Variants in C5orf46 observed in about 807,000 individuals in gnomAD.
C5orf46 encodes the protein chromosome 5 open reading frame 46, also known as uncharacterized protein C5orf46.
In C5orf46, 9 loss-of-function variants were observed where a neutral mutation model predicts 8.9. The ratio of observed to expected loss-of-function variants is 1.01; its 90% CI spans 0.61 to 1.76. The LOEUF (loss-of-function observed/expected upper bound fraction) is 1.76, where lower values mean the gene tolerates loss of function less well. Among genes scored for constraint, C5orf46 ranks in the 40% most tolerant of loss-of-function variants. The probability of loss-of-function intolerance (pLI) is 0.00; values close to 1 mark genes in which losing one functional copy is unlikely to be tolerated. For synonymous variants in C5orf46, 47 were observed against 41.4 expected (o/e 1.14, Z -0.52); for missense variants, 98 against 107.8 (o/e 0.91, Z 0.40).
chr5:147,890,622 T>C (rs1434568663), downstream of C5orf46, among the ~76,000 whole-genome samples: 2 of 152,156 alleles, frequency 1.3e-5, no homozygotes, highest in African/African-American at 2.4e-5. Context: ...GAGAAGGTGA[T>C]ATTTAGTACA....
chr5:147,891,649 C>A (rs1757504407), downstream of C5orf46, among the ~76,000 whole-genome samples: 1 of 152,116 alleles, frequency 6.6e-6, no homozygotes, highest in African/African-American at 2.4e-5. Flanking sequence ...TATCTAGGCA[C>A]AAATCAGTGA....
chr5:147,889,401 T>C (rs1397184912), downstream of C5orf46, among the ~76,000 whole-genome samples: 1 of 152,174 alleles, frequency 6.6e-6, no homozygotes, highest in Non-Finnish European at 1.5e-5. Context: ...GTGTGGGAGA[T>C]TGTTAACTTT....
intron 3 of C5orf46, among the ~76,000 whole-genome samples, chr5:147,893,666 A>G (rs1203571096): frequency 6.6e-6 from 1 of 151,974 alleles, no homozygotes; most frequent in East Asian, 1.9e-4. Context: ...CCTCAGCCTC[A>G]TGAGTAGCTG....
chr5:147,896,988 G>T lies in C5orf46; in HGVS notation c.*5C>A. The T allele has an allele frequency of 1.3e-6, 2 of 1,482,832 alleles. No homozygotes were observed. Among genetic ancestry groups the T allele is most frequent in the Non-Finnish European group, 1.9e-6 (2 of 1,078,092 alleles). The allele number at this position is 1,482,832 out of a possible 1,614,324, so 91.9% of individuals were successfully genotyped here. ...AAATTTTAAGTGAAAAATCACCTGA[G>T]GATGTCACTTTGATGAATGTTTTCC... is the stretch of plus-strand genomic sequence containing the variant. On this transcript the variant is annotated 3_prime_UTR_variant, in exon 3 of 4. Transcript: ENST00000318315.
chr5:147,893,791 T>A (rs1316359559), intron 3 of C5orf46, among the ~76,000 whole-genome samples: 1 of 152,126 alleles, frequency 6.6e-6, no homozygotes, highest in African/African-American at 2.4e-5. Context: ...ATCTGCCCGC[T>A]CGGCCTCCCA....
At chr5:147,886,445 A>G (rs556379206) in intron 2 of C5orf46, 1 of 149,114 alleles carries the variant, frequency 6.7e-6, no homozygotes, top group Non-Finnish European at 1.5e-5. Flanking sequence ...ATATAGAAAT[A>G]TATACATATA....
At chr5:147,899,308 A>G (rs765055499) in intron 2 of C5orf46, among the ~76,000 whole-genome samples, 1 of 152,156 alleles carries the variant, frequency 6.6e-6, no homozygotes, top group Non-Finnish European at 1.5e-5. Context: ...GTACATGTTA[A>G]GTGCTTAGCA....
At chr5:147,902,540 A>G (rs1474846505) in intron 1 of C5orf46, among the ~76,000 whole-genome samples, 4 of 152,184 alleles carry the variant, frequency 2.6e-5, no homozygotes, top group African/African-American at 9.6e-5. Context: ...GGATTGTCTT[A>G]TTTTATCCTC....
chr5:147,905,705 G>A (rs767766287), intron 1 of C5orf46, among the ~76,000 whole-genome samples: 1 of 152,118 alleles, frequency 6.6e-6, no homozygotes, highest in Non-Finnish European at 1.5e-5. Flanking sequence ...ATAGTTGCTC[G>A]ATAATAGTAG....
downstream of C5orf46, among the ~76,000 whole-genome samples, chr5:147,892,402 A>T (rs990639180): frequency 1.3e-5 from 2 of 152,220 alleles, no homozygotes; most frequent in African/African-American, 4.8e-5. Flanking sequence ...CTAGCATAGG[A>T]GAGTGGGCTC....
chr5:147,891,416 G>T (rs968823777), downstream of C5orf46, among the ~76,000 whole-genome samples: 7 of 152,176 alleles, frequency 4.6e-5, no homozygotes, highest in African/African-American at 1.4e-4. Flanking sequence ...TAAAGCAGTT[G>T]GGAAATCTTC....
chr5:147,904,710 T>A (rs1370633027), intron 1 of C5orf46, among the ~76,000 whole-genome samples: 1 of 152,130 alleles, frequency 6.6e-6, no homozygotes, highest in Non-Finnish European at 1.5e-5. Context: ...TATAGATCTG[T>A]CTGATTCCTG....
downstream of C5orf46, among the ~76,000 whole-genome samples, chr5:147,892,264 C>G (rs557085298): frequency 6.6e-6 from 1 of 152,098 alleles, no homozygotes; most frequent in Non-Finnish European, 1.5e-5. Context: ...GGTGGTGGCA[C>G]GAAAGGCCTG....
intron 1 of C5orf46, 72 bp from the exon 2 acceptor site, chr5:147,901,845 G>C (rs1017464668): frequency 1.3e-6 from 2 of 1,510,584 alleles, no homozygotes; most frequent in Non-Finnish European, 1.8e-6. Context: ...TGTGGGGAAC[G>C]CTTGGGATTC....
At chr5:147,901,956 T>G (rs75136579) in intron 1 of C5orf46, among the ~76,000 whole-genome samples, 183 bp from the exon 2 acceptor site, 3,133 of 152,314 alleles carry the variant, frequency 0.021, 81 homozygotes, top group East Asian at 0.11. Flanking sequence ...TCTCATTTAT[T>G]TGTAAAAACA....
chr5:147,889,337 A>C (rs1757469262), downstream of C5orf46, among the ~76,000 whole-genome samples: 1 of 152,178 alleles, frequency 6.6e-6, no homozygotes, highest in East Asian at 1.9e-4. Context: ...ACAGTCAGGG[A>C]CAACAGCAAC....
chr5:147,903,040 C>T (rs868518938), intron 1 of C5orf46, among the ~76,000 whole-genome samples: 36 of 152,236 alleles, frequency 2.4e-4, no homozygotes, highest in Middle Eastern at 3.4e-3. Context: ...GAATGAGGGC[C>T]AAGGATCCAG....
At chr5:147,892,134 T>C (rs1757511174), downstream of C5orf46, among the ~76,000 whole-genome samples, 2 of 152,228 alleles carry the variant, frequency 1.3e-5, no homozygotes. Context: ...TGTCTTACTG[T>C]CCACAGTAAA....
intron 3 of C5orf46, among the ~76,000 whole-genome samples, chr5:147,894,832 G>A (rs145257415): frequency 8.3e-4 from 126 of 152,058 alleles, no homozygotes; most frequent in Non-Finnish European, 1.7e-3. Flanking sequence ...GAGGCCGAAG[G>A]GGGGTGAATC....
Sources: allele counts gnomAD v4.1 joint callset (sites outside exome capture counted in the v4.1 genomes callset), GRCh38; gene constraint gnomAD v4.1.1; transcripts MANE v1.5; gene names NCBI Gene and HGNC (gene_info 2026-07-23, HGNC 2026-07-21).